The following EIF2AK2 variants were observed in gnomAD, a reference collection of about 807,000 sequenced individuals.
EIF2AK2 encodes eukaryotic translation initiation factor 2 alpha kinase 2.
Under a neutral mutation model 70.5 loss-of-function variants are expected in EIF2AK2, and 40 were observed. The ratio of observed to expected loss-of-function variants is 0.57; its 90% CI spans 0.44 to 0.74. The LOEUF (loss-of-function observed/expected upper bound fraction) is 0.74, where lower values mean the gene tolerates loss of function less well. EIF2AK2 is among the 30% of genes least tolerant of loss of function. The pLI, the probability that EIF2AK2 is intolerant of heterozygous loss-of-function variation, is 0.00. For synonymous variants in EIF2AK2, 198 were observed against 220.9 expected (o/e 0.90, Z 0.92); for missense variants, 555 against 644.3 (o/e 0.86, Z 1.50).
intron 13 of EIF2AK2, among the ~76,000 whole-genome samples, chr2:37,118,001 A>T (rs1674404307): frequency 1.3e-5 from 2 of 152,296 alleles, no homozygotes; most frequent in South Asian, 4.1e-4. Context: ...TAGAAGATGA[A>T]AGAAGTCTCA....
chr2:37,109,736 G>C (rs894442346), intron 14 of EIF2AK2, among the ~76,000 whole-genome samples: 4 of 152,258 alleles, frequency 2.6e-5, no homozygotes, highest in Admixed American at 2.6e-4. Context: ...CTACGACTCA[G>C]CAATAAAAAG....
intron 11 of EIF2AK2, among the ~76,000 whole-genome samples, chr2:37,123,193 G>A (rs527258652): frequency 2.6e-5 from 4 of 151,842 alleles, no homozygotes; most frequent in South Asian, 4.2e-4. Flanking sequence ...AAAAGGCAGC[G>A]ACTTAATGCC....
intron 5 of EIF2AK2, among the ~76,000 whole-genome samples, chr2:37,140,435 T>G (rs1160325616): frequency 2.0e-5 from 3 of 152,208 alleles, no homozygotes; most frequent in African/African-American, 7.2e-5. Flanking sequence ...TATCTATTAC[T>G]GAAAAATGAT....
At chr2:37,121,836 G>C (rs1674566013) in intron 12 of EIF2AK2, among the ~76,000 whole-genome samples, 1 of 152,090 alleles carries the variant, frequency 6.6e-6, no homozygotes, top group African/African-American at 2.4e-5. Context: ...AGGTGGGGCA[G>C]GAGAAAATGA....
At chr2:37,121,262 C>CA (rs70949733) in intron 12 of EIF2AK2, among the ~76,000 whole-genome samples, 25,211 of 72,764 alleles carry the variant, frequency 0.35, 5,736 homozygotes, top group Non-Finnish European at 0.41. Context: ...GACACCGTCT[C>CA]AAAAAAAAAA....
intron 13 of EIF2AK2, among the ~76,000 whole-genome samples, chr2:37,116,394 C>T (rs1384670623): frequency 1.3e-5 from 2 of 152,060 alleles, no homozygotes; most frequent in African/African-American, 4.8e-5. Context: ...GACCAATATT[C>T]TAAAGACCAC....
Position 37,135,470 on chromosome 2 carries a change from A to C in EIF2AK2, c.785+14T>G. ...CATTACCCCTTCTTCTTTCTTCAGC[A>C]CTTAAAATCTTACCTCTTGTCCACA... On this transcript the variant is annotated intron_variant, in intron 10 of 16. Transcript: ENST00000233057. 6.3e-7 allele frequency: 1 copy of C among 1,596,376 alleles called. No homozygotes were observed. The highest frequency in any genetic ancestry group is 8.5e-7 in the Non-Finnish European group (1 of 1,173,544).
At chr2:37,155,683 C>T (rs932315796) in intron 1 of EIF2AK2, among the ~76,000 whole-genome samples, 5 of 152,200 alleles carry the variant, frequency 3.3e-5, no homozygotes, top group Admixed American at 2.0e-4. Context: ...ATTTGTCCAT[C>T]TTACTAATGC....
chr2:37,151,844 C>A (rs1183223000), intron 1 of EIF2AK2, among the ~76,000 whole-genome samples: 1 of 152,208 alleles, frequency 6.6e-6, no homozygotes, highest in Admixed American at 6.5e-5. Flanking sequence ...TCTGGGAGGC[C>A]GAGGCGGGCG....
intron 5 of EIF2AK2, 134 bp downstream of exon 5, chr2:37,141,419 C>T: frequency 1.9e-6 from 2 of 1,071,234 alleles, no homozygotes; most frequent in Non-Finnish European, 1.3e-6. Context: ...AATCCAATTA[C>T]TTATCAATCA....
intron 13 of EIF2AK2, among the ~76,000 whole-genome samples, chr2:37,117,039 C>T (rs1674367259): frequency 6.6e-6 from 1 of 151,906 alleles, no homozygotes; most frequent in African/African-American, 2.4e-5. Flanking sequence ...TGGTGAAACC[C>T]TGTCTCTACT....
Position 37,135,506 on chromosome 2 carries a change from T to A in EIF2AK2, c.763A>T (p.Thr255Ser). 1 of 1,610,608 alleles carries A rather than the reference T, an allele frequency of 6.2e-7. No individual in the cohort carries two copies. The highest frequency in any genetic ancestry group is 8.5e-7 in the Non-Finnish European group (1 of 1,178,414). The change falls in exon 10 of 17, where the codon ACA (threonine) becomes TCA (serine). Residue 255 changes from threonine to serine, a missense_variant. Physicochemically the swap from Thr to Ser is moderately conservative, Grantham distance 58. Around this residue, in one of 3 missense-constraint regions of EIF2AK2, gnomAD observed 299 missense variants for 375.4 expected, o/e 0.80. Transcript: ENST00000233057. ...TACCTCTTGTCCACAGTATACTTTG[T>A]TTCTTTCATGTCAGGAAGGTCAAAT... ...PRFDLPDMKE[T>S]KYTVDKRFGM...
intron 1 of EIF2AK2, among the ~76,000 whole-genome samples, chr2:37,154,786 T>A (rs940697369): frequency 1.4e-4 from 21 of 152,134 alleles, no homozygotes; most frequent in Admixed American, 7.2e-4. Flanking sequence ...GGTCTCAAAC[T>A]CCTGACCTCA....
intron 4 of EIF2AK2, among the ~76,000 whole-genome samples, chr2:37,143,132 G>A (rs1387404800): frequency 2.0e-5 from 3 of 151,462 alleles, no homozygotes; most frequent in Non-Finnish European, 4.4e-5. Flanking sequence ...AGGAGGCTGA[G>A]GCAGAGAATT....
chr2:37,115,423 C>A (rs1247033578), intron 13 of EIF2AK2, among the ~76,000 whole-genome samples: 2 of 151,882 alleles, frequency 1.3e-5, no homozygotes, highest in Non-Finnish European at 2.9e-5. Context: ...CCTCGAATAT[C>A]TGAAAAGCTG....
At chr2:37,123,762 T>C (rs1198140019) in intron 11 of EIF2AK2, among the ~76,000 whole-genome samples, 1 of 152,164 alleles carries the variant, frequency 6.6e-6, no homozygotes, top group East Asian at 1.9e-4. Flanking sequence ...GGTGAAATGG[T>C]GGAAGGCTTT....
chr2:37,121,186 C>T (rs985883207), intron 12 of EIF2AK2, among the ~76,000 whole-genome samples: 5 of 141,022 alleles, frequency 3.5e-5, no homozygotes, highest in African/African-American at 1.3e-4. Flanking sequence ...TACTGTGAAT[C>T]CGGGAGGCAG....
In EIF2AK2 at chr2:37,109,272, C is replaced by T. The variant is rs148773664; in HGVS notation, c.1401G>A (p.Lys467=). The stretch of plus-strand genomic sequence containing the variant: ...GCCCCAAAGCGTAGAGGTCCACTTC[C>T]TTTCCATAGTCTTGCGAAGAAATCT... The part of the protein sequence containing the change: ...PEQISSQDYG[K]EVDLYALGLI... The change falls in exon 15 of 17, where the codon AAG becomes AAA. Residue 467 remains lysine (K), a synonymous_variant. Coordinates refer to ENST00000233057, the MANE Select transcript of EIF2AK2 (RefSeq NM_001135651.3). 1 of 1,614,156 alleles carries T rather than the reference C, an allele frequency of 6.2e-7. No individual in the cohort carries two copies. Among genetic ancestry groups the T allele is most frequent in the African/African-American group, 1.3e-5 (1 of 75,074 alleles).
intron 9 of EIF2AK2, chr2:37,136,730 T>C (rs1305209657): frequency 3.8e-6 from 1 of 264,512 alleles, no homozygotes; most frequent in East Asian, 7.1e-5. Context: ...TTGCCAGTCT[T>C]GTACAAAATA....
Sources: allele counts gnomAD v4.1 joint callset (sites outside exome capture counted in the v4.1 genomes callset), GRCh38; gene constraint gnomAD v4.1.1; regional missense constraint gnomAD v4.1.1; transcripts MANE v1.5; gene names NCBI Gene and HGNC (gene_info 2026-07-23, HGNC 2026-07-21).